ORMDL3: variants seen among roughly 807,000 people sequenced by gnomAD.
ORMDL3 encodes ORMDL sphingolipid biosynthesis regulator 3.
Under a neutral mutation model 12.6 loss-of-function variants are expected in ORMDL3, and 6 were observed. The observed-to-expected ratio is 0.48, with a 90% CI of 0.26 to 0.94. ORMDL3 has a LOEUF of 0.94. ORMDL3 is among the 40% of genes least tolerant of loss of function. The probability of loss-of-function intolerance (pLI) is 0.14; values close to 1 mark genes in which losing one functional copy is unlikely to be tolerated. For synonymous variants in ORMDL3, 99 were observed against 87.2 expected (o/e 1.14, Z -0.75); for missense variants, 159 against 205.5 (o/e 0.77, Z 1.38).
intron 1 of ORMDL3, chr17:39,925,081 C>T (rs923021353): frequency 6.6e-6 from 1 of 152,298 alleles, no homozygotes; most frequent in Admixed American, 6.5e-5. Context: ...GAGCTGGAAT[C>T]CACCTCAACA....
chr17:39,922,358 G>C lies in ORMDL3; in HGVS notation c.*192C>G. On this transcript the variant is annotated 3_prime_UTR_variant, in exon 4 of 4. Coordinates refer to ENST00000304046, the MANE Select transcript of ORMDL3 (RefSeq NM_139280.4). ...TTCAGAAAAGGTCAGAGCCCAGGGG[G>C]CCTACCCCAACCCCACTACAAGCTA... 1 of 647,172 alleles carries C rather than the reference G, an allele frequency of 1.5e-6. No homozygotes were observed. The highest frequency in any genetic ancestry group is 2.2e-5 in the South Asian group (1 of 46,140). The allele number at this position is 647,172 out of a possible 1,614,324, so 40.1% of individuals were successfully genotyped here. A position where few individuals can be genotyped will look rare whatever the true frequency, so the allele number is the denominator to read the frequency against.
chr17:39,924,046 T>C lies in ORMDL3; in HGVS notation c.158A>G (p.Asn53Ser), dbSNP rs770413988. The part of the protein sequence containing the change: ...VSVPVVWTLT[N>S]LIHNMGMYIF... Reference sequence around the variant, plus strand: ...GGCTCTCACCATGTTGTGAATGAGGTTGGTGAGGGTCCAGACGACAGGGAC... The same window carrying C: ...GGCTCTCACCATGTTGTGAATGAGGCTGGTGAGGGTCCAGACGACAGGGAC... Residue 53 changes from asparagine to serine, a missense_variant, in exon 2 of 4, where the codon AAC becomes AGC. By Grantham distance (46) the Asn-to-Ser change is conservative (BLOSUM62 1). Coordinates refer to ENST00000304046, the MANE Select transcript of ORMDL3 (RefSeq NM_139280.4). 6.8e-6 allele frequency: 11 copies of C among 1,607,510 alleles called. No individual in the cohort carries two copies. Among genetic ancestry groups the C allele is most frequent in the East Asian group, 2.2e-5 (1 of 44,744 alleles).
At chr17:39,926,707 C>T in intron 1 of ORMDL3, 1 of 867,376 alleles carries the variant, frequency 1.2e-6, no homozygotes, top group South Asian at 5.3e-5. Context: ...TATCCGGGCC[C>T]AGCCAGTATG....
At chr17:39,926,968 C>G (rs1267981188) in intron 1 of ORMDL3, 10 of 985,630 alleles carry the variant, frequency 1.0e-5, no homozygotes, top group South Asian at 4.7e-5. Context: ...TTTGGCCCAG[C>G]CACCCCGACT....
chr17:39,923,045 G>T, intron 3 of ORMDL3, 67 bp downstream of exon 3: 1 of 1,588,908 alleles, frequency 6.3e-7, no homozygotes, highest in African/African-American at 1.3e-5. Context: ...AATAAGCATG[G>T]CTGGGCCCTG....
At chr17:39,924,881 C>T (rs994235710) in intron 1 of ORMDL3, 6 of 152,264 alleles carry the variant, frequency 3.9e-5, no homozygotes, top group African/African-American at 1.4e-4. Flanking sequence ...TAGGGACAAC[C>T]TTTGCCCAGA....
At chr17:39,927,452 C>T in intron 1 of ORMDL3, 32 bp downstream of exon 1, 10 of 985,612 alleles carry the variant, frequency 1.0e-5, no homozygotes, top group Non-Finnish European at 1.2e-5. Context: ...CCTCCCGTAG[C>T]CCTGGGGCCT....
intron 2 of ORMDL3, 43 bp from the exon 3 acceptor site, chr17:39,923,306 C>G (rs749461332): frequency 9.4e-6 from 15 of 1,599,762 alleles, no homozygotes; most frequent in African/African-American, 8.0e-5. Flanking sequence ...AAGGGAAAGG[C>G]CCCCCTGCCC....
chr17:39,927,110 G>A, intron 1 of ORMDL3: 1 of 693,928 alleles, frequency 1.4e-6, no homozygotes, highest in Non-Finnish European at 1.8e-6. Context: ...GCGGGGCCGG[G>A]GGGAGGGGTC....
intron 1 of ORMDL3, among the ~76,000 whole-genome samples, chr17:39,924,525 G>A (rs1978326968): frequency 6.6e-6 from 1 of 152,112 alleles, no homozygotes; most frequent in South Asian, 2.1e-4. Flanking sequence ...GAGAAGTCAA[G>A]GCCCATCCCC....
intron 1 of ORMDL3, among the ~76,000 whole-genome samples, chr17:39,925,003 C>G (rs1373784068): frequency 6.6e-6 from 1 of 152,136 alleles, no homozygotes; most frequent in African/African-American, 2.4e-5. Context: ...TGCCAAACCA[C>G]CAGGGCCCTT....
intron 3 of ORMDL3, 91 bp downstream of exon 3, chr17:39,923,021 G>A (rs1978308500): frequency 6.6e-7 from 1 of 1,512,240 alleles, no homozygotes; most frequent in East Asian, 2.3e-5. Context: ...TACACCAGGA[G>A]CCACGGCAGG....
intron 1 of ORMDL3, chr17:39,926,018 T>C (rs1490842987): frequency 6.9e-6 from 1 of 145,374 alleles, no homozygotes; most frequent in East Asian, 1.9e-4. Flanking sequence ...CTGAAGGACT[T>C]AACTCTGACT....
At position 39,924,023 on chromosome 17, in the gene ORMDL3, C is replaced by A; in HGVS notation, c.174+7G>T. On this transcript the variant is annotated splice_region_variant and intron_variant, in intron 2 of 3. Transcript: ENST00000304046. Reference sequence around the variant, plus strand: ...GGGGCAGGGGCAGGCAGCAGACAGGCTCTCACCATGTTGTGAATGAGGTTG... The same window carrying A: ...GGGGCAGGGGCAGGCAGCAGACAGGATCTCACCATGTTGTGAATGAGGTTG... 6.3e-7 allele frequency: 1 copy of A among 1,594,638 alleles called. No individual in the cohort carries two copies. The highest frequency in any genetic ancestry group is 8.6e-7 in the Non-Finnish European group (1 of 1,169,210).
In ORMDL3 at chr17:39,921,593, T is replaced by G. The variant is rs1249685887; in HGVS notation, c.*957A>C. On this transcript the variant is annotated 3_prime_UTR_variant, in exon 4 of 4. Coordinates refer to ENST00000304046, the MANE Select transcript of ORMDL3 (RefSeq NM_139280.4). ...ACCCCCGCAGGAGTCAGGGCCAAGT[T>G]GGACCTGTGCTTACAATGACTCACG... 1 of 152,468 alleles carries G rather than the reference T, an allele frequency of 6.6e-6. No homozygotes were observed. The highest frequency in any genetic ancestry group is 2.4e-5 in the African/African-American group (1 of 41,410). 9.4% of individuals were successfully genotyped at this position (152,468 alleles called of 1,614,324 possible).
In ORMDL3 at chr17:39,924,101, T is replaced by A; in HGVS notation, c.103A>T (p.Ile35Phe). 1 of 1,614,048 alleles carries A rather than the reference T, an allele frequency of 6.2e-7. No individual in the cohort carries two copies. Among genetic ancestry groups the A allele is most frequent in the Non-Finnish European group, 8.5e-7 (1 of 1,179,950 alleles). The change falls in exon 2 of 4, where the codon ATC (isoleucine) becomes TTC (phenylalanine). Residue 35 changes from isoleucine (I) to phenylalanine (F), a missense_variant. Ile to Phe is a conservative substitution (Grantham distance 21). Coordinates refer to ENST00000304046, the MANE Select transcript of ORMDL3 (RefSeq NM_139280.4). The part of the protein sequence containing the change: ...SYVLAIGLLH[I>F]VLLSIPFVSV... Reference sequence around the variant, plus strand: ...ACAAACGGGATGCTCAGCAGCACGATGTGGAGGAGACCGATGGCCAGCACG... The same window carrying A: ...ACAAACGGGATGCTCAGCAGCACGAAGTGGAGGAGACCGATGGCCAGCACG...
rs1335799999 is a variant in ORMDL3, at chr17:39,923,292, A to G, written c.175-29T>C. ...GAGGAAGAAGTCTTTGTTAGAGGAT[A>G]CAAAAGGGAAAGGCCCCCCTGCCCA... On this transcript the variant is annotated intron_variant, in intron 2 of 3. Transcript: ENST00000304046. 6 of 1,612,590 alleles carry G rather than the reference A, an allele frequency of 3.7e-6. No individual in the cohort carries two copies. The Admixed American group carries it at 1.0e-4, about 27-fold the overall frequency.
chr17:39,927,566 G>C lies in ORMDL3; in HGVS notation c.-105C>G. On this transcript the variant is annotated 5_prime_UTR_variant, in exon 1 of 4. Coordinates refer to ENST00000304046, the MANE Select transcript of ORMDL3 (RefSeq NM_139280.4). ...TGCTCCAGCAGCTGTAACAACCCGC[G>C]GCTGCAGCCTCCCCGCTGGCAGCTC... 1 of 985,584 alleles carries C rather than the reference G, an allele frequency of 1.0e-6. No individual in the cohort carries two copies. The highest frequency in any genetic ancestry group is 1.2e-6 in the Non-Finnish European group (1 of 830,054). The allele number at this position is 985,584 out of a possible 1,614,324, so 61.1% of individuals were successfully genotyped here. A position where few individuals can be genotyped will look rare whatever the true frequency, so the allele number is the denominator to read the frequency against.
At chr17:39,926,975 G>C (rs1360551279) in intron 1 of ORMDL3, 1 of 985,596 alleles carries the variant, frequency 1.0e-6, no homozygotes, top group African/African-American at 1.7e-5. Flanking sequence ...CAGCCACCCC[G>C]ACTGGGGGAG....
Sources: gnomAD v4.1 joint callset for allele counts (sites outside exome capture counted in the v4.1 genomes callset) on GRCh38, gnomAD v4.1.1 for gene constraint, MANE v1.5 for transcripts, NCBI Gene and HGNC (gene_info 2026-07-23, HGNC 2026-07-21) for gene names.